The following FLNA variants were observed in gnomAD, a reference collection of about 807,000 sequenced individuals.
FLNA encodes the protein filamin A, also known as filamin-A.
Under a neutral mutation model 157.6 loss-of-function variants are expected in FLNA, and 7 were observed. The ratio of observed to expected loss-of-function variants is 0.04; its 90% confidence interval spans 0.03 to 0.08. The LOEUF is 0.08. FLNA is among the 10% of genes least tolerant of loss of function. The pLI is 1.00. For missense variants in FLNA, 1,750 were observed against 2,398.4 expected, an observed-to-expected ratio of 0.73 and a Z score of 5.65; for synonymous variants, 1,103 against 1,060.8, an observed-to-expected ratio of 1.04 and a Z score of -0.77.
At position 154,352,463 on chromosome X, in the gene FLNA, G is replaced by A. The variant is rs2067627381; in HGVS notation, c.6503-16C>T. The A allele has an allele frequency of 8.3e-7, 1 of 1,210,338 alleles. No homozygotes were observed. Among genetic ancestry groups the A allele is most frequent in the Non-Finnish European group, 1.1e-6 (1 of 895,076 alleles). On this transcript the variant is annotated splice_polypyrimidine_tract_variant and intron_variant, in intron 40 of 47. Coordinates refer to ENST00000369850, the MANE Select transcript of FLNA (RefSeq NM_001110556.2). ...ATGCTAATTTCTGCAGGGTGGGGAT[G>A]GGCTAGTGAGCAGCAGCCCTGGGCT...
intron 28 of FLNA, 91 bp downstream of exon 28, chrX:154,358,108 G>A: frequency 9.7e-7 from 1 of 1,026,320 alleles, no homozygotes; most frequent in Non-Finnish European, 1.4e-6. Flanking sequence ...CCTTGGTGCA[G>A]CTCCGCAGGG....
intron 47 of FLNA, 131 bp from the exon 48 acceptor site, chrX:154,349,167 C>A (rs2067598462): frequency 1.2e-6 from 1 of 800,589 alleles, no homozygotes; most frequent in Admixed American, 2.7e-5. Flanking sequence ...CCAGCACCTC[C>A]CCAACCCAGG....
chrX:154,356,974 G>C (rs1329092064), intron 30 of FLNA, among the ~76,000 whole-genome samples: 1 of 111,827 alleles, frequency 8.9e-6, no homozygotes, highest in African/African-American at 3.3e-5. Context: ...GTGCCTCTCA[G>C]GATGCACCTC....
intron 44 of FLNA, chrX:154,350,550 G>T (rs1327956701): frequency 1.0e-5 from 4 of 382,880 alleles, no homozygotes; most frequent in African/African-American, 1.0e-4. Flanking sequence ...GCTGGGAAGG[G>T]CAGGACTAGG....
At chrX:154,368,123 C>CG in intron 2 of FLNA, 33 bp from the exon 3 acceptor site, 1 of 1,209,913 alleles carries the variant, frequency 8.3e-7, no homozygotes, top group Non-Finnish European at 1.1e-6. Context: ...GCTGGGCACA[C>CG]GGCTGTGCGG....
intron 30 of FLNA, among the ~76,000 whole-genome samples, chrX:154,356,598 G>A (rs1051115424): frequency 3.6e-5 from 4 of 112,593 alleles, no homozygotes; most frequent in African/African-American, 1.3e-4. Flanking sequence ...GCTGGGGCAG[G>A]TGACCCTCCA....
rs112768058 is a variant in FLNA, at chrX:154,363,066, T to C, written c.2281-282A>G. Among the ~76,000 whole-genome samples the C allele has an allele frequency of 3.2e-3, 362 of 112,507 alleles. 1 individual carries two copies. Among genetic ancestry groups the C allele is most frequent in the African/African-American group, 0.011 (328 of 30,985 alleles). On this transcript the variant is annotated intron_variant, in intron 15 of 47. Coordinates refer to ENST00000369850, the MANE Select transcript of FLNA (RefSeq NM_001110556.2). ...CTCATCCTCAATATCTGTTAGCAAG[T>C]GAACGGAAAAATGGAATGTGGTCTG...
rs376960489 is a variant in FLNA at position 154,364,004 on chromosome X, C to A, written c.2280+18G>T. 7.5e-5 allele frequency: 91 copies of A among 1,206,750 alleles called. No homozygotes were observed. The highest frequency in any genetic ancestry group is 1.0e-4 in the Non-Finnish European group (90 of 892,541). On this transcript the variant is annotated intron_variant, in intron 15 of 47. Coordinates refer to ENST00000369850, the MANE Select transcript of FLNA (RefSeq NM_001110556.2). ...AATGCTATCGAGATGGACTAAAGGCCGGTGGAGGTTGGCTCACCCTGAAGG... is the reference window on the plus strand; with the variant it reads ...AATGCTATCGAGATGGACTAAAGGCAGGTGGAGGTTGGCTCACCCTGAAGG...
rs201396725 is a variant in FLNA, at chrX:154,352,661, C to T, written c.6394G>A (p.Val2132Met). 101 of 1,210,997 alleles carry T rather than the reference C, an allele frequency of 8.3e-5. No homozygotes were observed. The highest frequency in any genetic ancestry group is 1.1e-4 in the Non-Finnish European group (95 of 895,503). ...ACCCGGCCCTCGCCTGTCACCTTCA[C>T]AGAGAAGGGGCTGCCTGCAGGAAGA... The part of the protein sequence containing the change: ...DQHVPGSPFS[V>M]KVTGEGRVKE... Residue 2132 changes from valine to methionine, a missense_variant, in exon 40 of 48, where the codon GTG becomes ATG. Val to Met is a conservative substitution (Grantham distance 21). Coordinates refer to ENST00000369850, the MANE Select transcript of FLNA (RefSeq NM_001110556.2).
chrX:154,354,296 G>A lies in FLNA; in HGVS notation c.5417-5C>T, dbSNP rs938072672. The stretch of plus-strand genomic sequence containing the variant: ...CTGAGGGCATCCGAACCTCCCCTGT[G>A]GGGCAGTGGGGCTGAGGTCAGGGCA... On this transcript the variant is annotated splice_polypyrimidine_tract_variant and splice_region_variant and intron_variant, in intron 33 of 47. Transcript: ENST00000369850. The A allele has an allele frequency of 8.3e-7, 1 of 1,211,852 alleles. No individual in the cohort carries two copies.
Position 154,354,907 on chromosome X carries a change from T to A in FLNA, c.5135A>T (p.Tyr1712Phe). The A allele has an allele frequency of 8.3e-7, 1 of 1,212,003 alleles. No individual in the cohort carries two copies. The highest frequency in any genetic ancestry group is 1.1e-6 in the Non-Finnish European group (1 of 895,576). ...ENEDGTFDIFYTAPQPGKYVI... is the reference protein window; with the variant it reads ...ENEDGTFDIFFTAPQPGKYVI... ...GTATTTGCCCGGCTGGGGGGCCGTG[T>A]AGAAGATGTCGAAAGTGCCGTCCTC... The change falls in exon 31 of 48, where the codon TAC (tyrosine) becomes TTC (phenylalanine). Residue 1712 changes from tyrosine to phenylalanine, a missense_variant. Tyr to Phe is a conservative substitution (Grantham distance 22). Transcript: ENST00000369850.
rs782424531 is a variant in FLNA at position 154,365,204 on chromosome X, C to A, written c.1623G>T (p.Glu541Asp). The A allele has an allele frequency of 3.3e-6, 4 of 1,210,279 alleles. No homozygotes were observed. The Admixed American group carries it at 6.5e-5, about 20-fold the overall frequency. Reference sequence around the variant, plus strand: ...AGGTTCCAGGGACCATGGGGTAATACTCGAAGCCATACACGCCATCCCCCA... The same window carrying A: ...AGGTTCCAGGGACCATGGGGTAATAATCGAAGCCATACACGCCATCCCCCA... The part of the protein sequence containing the change: ...KDLGDGVYGF[E>D]YYPMVPGTYI... Residue 541 changes from glutamate (E) to aspartate (D), a missense_variant, in exon 11 of 48, where the codon GAG becomes GAT. Transcript: ENST00000369850.
intron 30 of FLNA, among the ~76,000 whole-genome samples, chrX:154,355,464 C>T (rs2067655519): frequency 8.8e-6 from 1 of 113,917 alleles, no homozygotes; most frequent in Non-Finnish European, 1.9e-5. Context: ...TCTGGCCTGG[C>T]CCCGGCCCCC....
intron 15 of FLNA, among the ~76,000 whole-genome samples, chrX:154,363,727 A>G (rs1383873173): frequency 8.9e-6 from 1 of 112,076 alleles, no homozygotes; most frequent in Non-Finnish European, 1.9e-5. Context: ...AAATAAATAA[A>G]TAAACAAAAT....
intron 5 of FLNA, among the ~76,000 whole-genome samples, chrX:154,367,161 G>A (rs2067768735): frequency 8.9e-6 from 1 of 112,072 alleles, no homozygotes; most frequent in East Asian, 2.8e-4. Flanking sequence ...AAAGACCGCT[G>A]GATGCTACCT....
At position 154,367,725 on chromosome X, in the gene FLNA, G is replaced by T; in HGVS notation, c.636C>A (p.Asp212Glu). 8.3e-7 allele frequency: 1 copy of T among 1,211,118 alleles called. No individual in the cohort carries two copies. The highest frequency in any genetic ancestry group is 1.1e-6 in the Non-Finnish European group (1 of 895,401). ...GCTTGCTGGCGTCCCAAGAGTCCCA[G>T]TCAGGACACAGGCCTGTGGCGCAAG... ...VDSCAPGLCP[D>E]WDSWDASKPV... Residue 212 changes from aspartate (D) to glutamate (E), a missense_variant, in exon 4 of 48, where the codon GAC becomes GAA. Transcript: ENST00000369850.
intron 13 of FLNA, 72 bp from the exon 14 acceptor site, chrX:154,364,444 C>T: frequency 1.0e-5 from 12 of 1,185,590 alleles, no homozygotes; most frequent in Non-Finnish European, 1.4e-5. Flanking sequence ...GCAGGGTGGC[C>T]AGGGACACAG....
rs782015075 is a variant in FLNA, at chrX:154,363,985, A to G, written c.2280+37T>C. ...ACGAATCGTGTGCTACGTGAATGCT[A>G]TCGAGATGGACTAAAGGCCGGTGGA... is the stretch of plus-strand genomic sequence containing the variant. On this transcript the variant is annotated intron_variant, in intron 15 of 47. Transcript: ENST00000369850. 23 of 1,200,490 alleles carry G rather than the reference A, an allele frequency of 1.9e-5. No individual in the cohort carries two copies. The Admixed American group carries it at 2.8e-4, about 15-fold the overall frequency.
At position 154,351,931 on chromosome X, in the gene FLNA, TC is replaced by T; in HGVS notation, c.6859del (p.Asp2287ThrfsTer59). ...CACACCACAGGAGCCGTCCTTGCGGTCCTCAAAAGAGATCTCAGCCTTGCTG... is the reference window on the plus strand; with the variant it reads ...CACACCACAGGAGCCGTCCTTGCGGTCTCAAAAGAGATCTCAGCCTTGCTG... ...GPSKAEISFE[D>X]RKDGSCGVAY... On this transcript the variant is annotated frameshift_variant, in exon 42 of 48. Coordinates refer to ENST00000369850, the MANE Select transcript of FLNA (RefSeq NM_001110556.2). LOFTEE classifies it high-confidence loss of function. 8.3e-7 allele frequency: 1 copy of T among 1,211,651 alleles called. No homozygotes were observed. Among genetic ancestry groups the T allele is most frequent in the Non-Finnish European group, 1.1e-6 (1 of 895,463 alleles).
Sources: allele counts gnomAD v4.1 joint callset (sites outside exome capture counted in the v4.1 genomes callset), GRCh38; gene constraint gnomAD v4.1.1; transcripts MANE v1.5; gene names NCBI Gene and HGNC (gene_info 2026-07-23, HGNC 2026-07-21).